The following DLG2 variants were observed in gnomAD, a reference collection of about 807,000 sequenced individuals.
DLG2 encodes the protein disks large homolog 2.
In DLG2, 45 loss-of-function variants were observed where a neutral mutation model predicts 132.5. That is an observed-to-expected ratio of 0.34 (90% confidence interval 0.27 to 0.44). The LOEUF is 0.44. DLG2 is among the 20% of genes least tolerant of loss of function. The probability of loss-of-function intolerance (pLI) is 1.00; values close to 1 mark genes in which losing one functional copy is unlikely to be tolerated. For missense variants in DLG2, 1,045 were observed against 1,196.9 expected (o/e 0.87, Z 1.87); for synonymous variants, 424 against 419.6 (o/e 1.01, Z -0.13).
chr11:84,756,672 T>C (rs1322990159), intron 6 of DLG2, among the ~76,000 whole-genome samples: 2 of 152,240 alleles, frequency 1.3e-5, no homozygotes, highest in Non-Finnish European at 2.9e-5. Context: ...TCCTCGTCTC[T>C]GAGTAAACCA....
chr11:84,374,817 GCTT>G (rs367911908), intron 7 of DLG2, among the ~76,000 whole-genome samples: 11 of 152,146 alleles, frequency 7.2e-5, no homozygotes, highest in African/African-American at 2.6e-4. Flanking sequence ...AAAAGCCCAA[GCTT>G]CTTCTCATGA....
intron 3 of DLG2, among the ~76,000 whole-genome samples, chr11:85,510,926 T>C (rs894825618): frequency 1.3e-5 from 2 of 152,182 alleles, no homozygotes; most frequent in Non-Finnish European, 2.9e-5. Context: ...TGCACACGTA[T>C]GTTTATTGTG....
intron 6 of DLG2, among the ~76,000 whole-genome samples, chr11:84,944,773 T>C (rs899291839): frequency 6.6e-6 from 1 of 151,920 alleles, no homozygotes; most frequent in Non-Finnish European, 1.5e-5. Flanking sequence ...CCCGGCTAAT[T>C]TTTTGTATTT....
At chr11:83,818,468 G>A (rs1422712236) in intron 17 of DLG2, among the ~76,000 whole-genome samples, 9 of 152,026 alleles carry the variant, frequency 5.9e-5, no homozygotes, top group Admixed American at 1.3e-4. Flanking sequence ...AGTATAATTC[G>A]GGGTGGACCT....
At chr11:83,575,265 G>A (rs533753729) in intron 19 of DLG2, among the ~76,000 whole-genome samples, 1 of 152,156 alleles carries the variant, frequency 6.6e-6, no homozygotes, top group South Asian at 2.1e-4. Context: ...TGAAGGACAA[G>A]AATCTTTAGT....
In DLG2 at chr11:84,620,321, A is replaced by C. The variant is rs1296187692; in HGVS notation, c.358-85590T>G. Among the ~76,000 whole-genome samples, 7 of 151,926 alleles carry C rather than the reference A, an allele frequency of 4.6e-5. No homozygotes were observed. In the East Asian group the frequency reaches 1.2e-3, roughly 25 times the overall value. On this transcript the variant is annotated intron_variant, in intron 6 of 27. Coordinates refer to ENST00000376104, the MANE Select transcript of DLG2 (RefSeq NM_001142699.3). ...AAATAATCAACACCAGACTCATTAA[A>C]TACTTAAATATAAAAATTTTACAGT... is the stretch of plus-strand genomic sequence containing the variant.
intron 21 of DLG2, 146 bp downstream of exon 21, chr11:83,532,562 T>C (rs2095780617): frequency 1.5e-6 from 1 of 659,414 alleles, no homozygotes; most frequent in Non-Finnish European, 2.6e-6. Flanking sequence ...AGAAATCACA[T>C]TATTAACTTC....
At chr11:84,277,238 T>C (rs1242762991) in intron 7 of DLG2, among the ~76,000 whole-genome samples, 7 of 152,246 alleles carry the variant, frequency 4.6e-5, no homozygotes, top group Admixed American at 2.0e-4. Context: ...CTAATAAACC[T>C]TTATAGAATA....
At chr11:85,110,914 A>C (rs2072623629) in intron 6 of DLG2, among the ~76,000 whole-genome samples, 1 of 152,132 alleles carries the variant, frequency 6.6e-6, no homozygotes, top group African/African-American at 2.4e-5. Flanking sequence ...ATTTCATGAC[A>C]GCTAAACTCA....
intron 4 of DLG2, among the ~76,000 whole-genome samples, chr11:85,189,813 T>C (rs1444967803): frequency 1.6e-4 from 24 of 151,962 alleles, no homozygotes; most frequent in Admixed American, 1.6e-3. Context: ...TTTTTTTTTC[T>C]TAGAGACAGG....
chr11:83,945,306 G>A (rs980967167), intron 14 of DLG2, among the ~76,000 whole-genome samples: 2 of 152,102 alleles, frequency 1.3e-5, no homozygotes, highest in African/African-American at 4.8e-5. Context: ...AAGTGGGAGG[G>A]AGTAGGATAA....
intron 4 of DLG2, among the ~76,000 whole-genome samples, chr11:85,222,971 G>T (rs1436924326): frequency 6.6e-6 from 1 of 152,132 alleles, no homozygotes; most frequent in Non-Finnish European, 1.5e-5. Flanking sequence ...GGGCATTTCA[G>T]ATTTCTCAGT....
intron 3 of DLG2, among the ~76,000 whole-genome samples, chr11:85,388,582 A>G (rs1044926450): frequency 6.6e-6 from 1 of 152,168 alleles, no homozygotes; most frequent in African/African-American, 2.4e-5. Flanking sequence ...GCAAGCGCTC[A>G]TACAGAGAAC....
chr11:85,123,047 G>A (rs1231654386), intron 5 of DLG2, among the ~76,000 whole-genome samples: 4 of 135,484 alleles, frequency 3.0e-5, no homozygotes, highest in Non-Finnish European at 4.6e-5. Context: ...GTGCGATCTC[G>A]GCTCACTGCA....
chr11:83,525,080 T>C (rs1025245272), intron 21 of DLG2, among the ~76,000 whole-genome samples: 2 of 152,220 alleles, frequency 1.3e-5, no homozygotes, highest in African/African-American at 4.8e-5. Flanking sequence ...TTCCACAGAA[T>C]AGCAGTTTCG....
At chr11:85,610,103 A>C (rs1476957437) in intron 2 of DLG2, among the ~76,000 whole-genome samples, 1 of 152,196 alleles carries the variant, frequency 6.6e-6, no homozygotes. Flanking sequence ...GGAAGGAAAA[A>C]AATGCCCGCC....
At chr11:85,225,914 T>C (rs1332427146) in intron 4 of DLG2, among the ~76,000 whole-genome samples, 2 of 152,104 alleles carry the variant, frequency 1.3e-5, no homozygotes, top group Non-Finnish European at 2.9e-5. Flanking sequence ...AATATTGAGC[T>C]CATCCCTACT....
intron 6 of DLG2, among the ~76,000 whole-genome samples, chr11:84,861,283 C>T (rs559505525): frequency 1.3e-5 from 2 of 152,014 alleles, no homozygotes; most frequent in South Asian, 2.1e-4. Flanking sequence ...GGTTTGTTCA[C>T]GGGCCTGAGA....
intron 3 of DLG2, among the ~76,000 whole-genome samples, chr11:85,430,412 T>C (rs543007167): frequency 3.7e-4 from 56 of 152,210 alleles, no homozygotes; most frequent in African/African-American, 1.2e-3. Flanking sequence ...TGTGGTATCA[T>C]TTATTAAAAT....
Sources: allele counts gnomAD v4.1 joint callset (sites outside exome capture counted in the v4.1 genomes callset), GRCh38; gene constraint gnomAD v4.1.1; transcripts MANE v1.5; gene names NCBI Gene and HGNC (gene_info 2026-07-23, HGNC 2026-07-21).